JAKMIP1: variants seen among roughly 807,000 people sequenced by gnomAD.
The protein encoded by JAKMIP1 is janus kinase and microtubule interacting protein 1.
In JAKMIP1, 33 loss-of-function variants were observed where a neutral mutation model predicts 113.0. That is an observed-to-expected ratio of 0.29 (90% CI 0.22 to 0.39). The LOEUF is 0.39. Among genes scored for constraint, JAKMIP1 ranks in the 10% least tolerant of loss-of-function variants. JAKMIP1 has a pLI of 1.00. For synonymous variants in JAKMIP1, 480 were observed against 459.9 expected, an observed-to-expected ratio of 1.04 and a Z score of -0.56; for missense variants, 813 against 1,080.5, an observed-to-expected ratio of 0.75 and a Z score of 3.47.
rs1244348287 is a variant in JAKMIP1, at chr4:6,142,633, T to C, written c.-147-29636A>G. Among the ~76,000 whole-genome samples, 1 of 152,178 alleles carries C rather than the reference T, an allele frequency of 6.6e-6. No individual in the cohort carries two copies. The highest frequency in any genetic ancestry group is 1.5e-5 in the Non-Finnish European group (1 of 68,026). ...TCTCGGACTTAAGAGGCAGCTGGCA[T>C]TGGGATCAAATGTGCGGCCTCTGGA... On this transcript the variant is annotated intron_variant, in intron 1 of 20. Transcript: ENST00000409021. This position sits in a 1 kb window ranked among gnomAD's most constrained non-coding sequence, Gnocchi z 5.5.
chr4:6,061,198 T>G lies in JAKMIP1; in HGVS notation c.1561-691A>C, dbSNP rs1489972645. On this transcript the variant is annotated intron_variant, in intron 10 of 20. Coordinates refer to ENST00000409021, the MANE Select transcript of JAKMIP1 (RefSeq NM_001099433.2). This position sits in a 1 kb window ranked among gnomAD's most constrained non-coding sequence, Gnocchi z 5.3. ...ATTTCTCTATAGAATCTCTTGATTTTTAAATGTTGGCAAGTAGATGAAATT... is the reference window on the plus strand; with the variant it reads ...ATTTCTCTATAGAATCTCTTGATTTGTAAATGTTGGCAAGTAGATGAAATT... Among the ~76,000 whole-genome samples, 2 of 152,238 alleles carry G rather than the reference T, an allele frequency of 1.3e-5. No individual in the cohort carries two copies. Among genetic ancestry groups the G allele is most frequent in the East Asian group, 3.8e-4 (2 of 5,202 alleles).
chr4:6,092,461 C>A (rs1026318536), intron 3 of JAKMIP1, among the ~76,000 whole-genome samples: 2 of 152,270 alleles, frequency 1.3e-5, no homozygotes, highest in African/African-American at 4.8e-5. Flanking sequence ...GGCCACACCC[C>A]CTTCCTGCTC....
At chr4:6,038,324 A>G (rs1713832217) in intron 18 of JAKMIP1, among the ~76,000 whole-genome samples, 1 of 148,080 alleles carries the variant, frequency 6.8e-6, no homozygotes, top group Non-Finnish European at 1.5e-5. Flanking sequence ...TTAACCCAGT[A>G]GCCCTCCATC....
chr4:6,079,352 G>GTGGA (rs543038896), intron 7 of JAKMIP1, among the ~76,000 whole-genome samples: 311 of 152,120 alleles, frequency 2.0e-3, no homozygotes, highest in Non-Finnish European at 3.6e-3. Context: ...AGATGGGTGG[G>GTGGA]TGGATGGATG....
chr4:6,041,755 G>A (rs1714340485), intron 17 of JAKMIP1, among the ~76,000 whole-genome samples: 3 of 152,202 alleles, frequency 2.0e-5, no homozygotes, highest in East Asian at 3.9e-4. Flanking sequence ...TTTGAGCCAT[G>A]CCCATGTGTT....
chr4:6,032,501 T>C (rs1031909886), intron 19 of JAKMIP1, among the ~76,000 whole-genome samples: 4 of 152,100 alleles, frequency 2.6e-5, no homozygotes, highest in African/African-American at 7.2e-5. Context: ...CTGTGAAAAA[T>C]GGCATCAATG....
At chr4:6,120,172 T>A (rs939854168) in intron 1 of JAKMIP1, among the ~76,000 whole-genome samples, 4 of 109,604 alleles carry the variant, frequency 3.6e-5, no homozygotes, top group African/African-American at 1.3e-4. Context: ...CTAAAGAATC[T>A]AGCCACACTT....
chr4:6,126,569 C>T (rs1272665180), intron 1 of JAKMIP1, among the ~76,000 whole-genome samples: 1 of 149,480 alleles, frequency 6.7e-6, no homozygotes, highest in Non-Finnish European at 1.5e-5. Context: ...CATGCAGAAA[C>T]ACTCACACGC....
At chr4:6,189,551 A>C (rs2109056140) in intron 1 of JAKMIP1, among the ~76,000 whole-genome samples, 1 of 152,320 alleles carries the variant, frequency 6.6e-6, no homozygotes, top group South Asian at 2.1e-4. Flanking sequence ...AAAGCCAAAA[A>C]TCTATTAACC....
At chr4:6,113,322 C>A (rs993041940) in intron 1 of JAKMIP1, among the ~76,000 whole-genome samples, 1 of 152,202 alleles carries the variant, frequency 6.6e-6, no homozygotes, top group Admixed American at 6.5e-5. Context: ...GCCTGCAGAC[C>A]ATGGTCTGCC....
chr4:6,082,465 T>C (rs76733331), intron 5 of JAKMIP1, among the ~76,000 whole-genome samples: 5,948 of 151,784 alleles, frequency 0.039, 180 homozygotes, highest in African/African-American at 0.08. Context: ...ATGTATCTTC[T>C]TCATGGCATT....
chr4:6,108,525 G>A lies in JAKMIP1; in HGVS notation c.130-2558C>T, dbSNP rs1350917598. 1.3e-5 allele frequency among the ~76,000 whole-genome samples: 2 copies of A among 152,128 alleles called. No individual in the cohort carries two copies. Among genetic ancestry groups the A allele is most frequent in the Admixed American group, 6.6e-5 (1 of 15,266 alleles). On this transcript the variant is annotated intron_variant, in intron 2 of 20. Coordinates refer to ENST00000409021, the MANE Select transcript of JAKMIP1 (RefSeq NM_001099433.2). The surrounding 1 kb of genome is among the most constrained non-coding windows in gnomAD (Gnocchi z 5.6). ...CACTTGCCACTCCCACTCAGAGAGTGAGTCAGATTCACCCCTTTCCATCCT... is the reference window on the plus strand; with the variant it reads ...CACTTGCCACTCCCACTCAGAGAGTAAGTCAGATTCACCCCTTTCCATCCT...
chr4:6,048,241 G>A (rs1715240454), intron 16 of JAKMIP1, among the ~76,000 whole-genome samples: 1 of 152,204 alleles, frequency 6.6e-6, no homozygotes, highest in Non-Finnish European at 1.5e-5. Flanking sequence ...GAGGGTATCT[G>A]GTGCCGCTTT....
Position 6,078,988 on chromosome 4 carries a change from C to T in JAKMIP1, c.1253G>A (p.Arg418Gln), listed in dbSNP as rs369203305. Residue 418 changes from arginine (R) to glutamine (Q), a missense_variant, in exon 8 of 21, where the codon CGG becomes CAG. By Grantham distance (43) the Arg-to-Gln change is conservative (BLOSUM62 1). Around this residue, in one of 2 missense-constraint regions of JAKMIP1, gnomAD observed 540 missense variants for 653.9 expected, o/e 0.83. Transcript: ENST00000409021. ...TCGATGCCTTTTGGAGCGCAACAGC[C>T]GTTCTCTCTCCTAGAAGGAAACACA... ...VIDDLSLERERLLRSKRHRGK... is the reference protein window; with the variant it reads ...VIDDLSLEREQLLRSKRHRGK... 4.1e-5 allele frequency: 66 copies of T among 1,614,046 alleles called. No individual in the cohort carries two copies. The highest frequency in any genetic ancestry group is 5.4e-5 in the Non-Finnish European group (64 of 1,180,040).
intron 3 of JAKMIP1, among the ~76,000 whole-genome samples, chr4:6,101,222 G>A (rs752375433): frequency 1.4e-4 from 22 of 151,976 alleles, no homozygotes; most frequent in Admixed American, 5.9e-4. Flanking sequence ...AATCTTTGTG[G>A]GTAGTATGAT....
At chr4:6,079,781 GCAACTGCTAAGCTAAAAAC>G (rs367785454) in intron 7 of JAKMIP1, among the ~76,000 whole-genome samples, 6 of 152,288 alleles carry the variant, frequency 3.9e-5, no homozygotes, top group Middle Eastern at 3.4e-3. Context: ...CTCACAGTCT[GCAACTGCTAAGCTAAAAAC>G]CAACCAACCA....
chr4:6,116,256 G>C lies in JAKMIP1; in HGVS notation c.-147-3259C>G, dbSNP rs1294644063. On this transcript the variant is annotated intron_variant, in intron 1 of 20. Transcript: ENST00000409021. This position sits in a 1 kb window ranked among gnomAD's most constrained non-coding sequence, Gnocchi z 5.1. ...CACTGTAATCAGCCCCTCTGGCTGC[G>C]GGCTGCCCAAAGGTCTCATCAGCAG... Among the ~76,000 whole-genome samples, 4 of 152,064 alleles carry C rather than the reference G, an allele frequency of 2.6e-5. No individual in the cohort carries two copies. The highest frequency in any genetic ancestry group is 5.9e-5 in the Non-Finnish European group (4 of 67,992).
chr4:6,062,698 C>T (rs1717477431), intron 9 of JAKMIP1, among the ~76,000 whole-genome samples: 1 of 152,138 alleles, frequency 6.6e-6, no homozygotes, highest in Admixed American at 6.5e-5. Flanking sequence ...AGCACTCCTC[C>T]CAGGAGCTCC....
chr4:6,133,353 A>G (rs1364656033), intron 1 of JAKMIP1, among the ~76,000 whole-genome samples: 1 of 152,246 alleles, frequency 6.6e-6, no homozygotes, highest in Non-Finnish European at 1.5e-5. Flanking sequence ...TTTTGTTTCC[A>G]TATGAAAAAG....
Sources: allele counts gnomAD v4.1 joint callset (sites outside exome capture counted in the v4.1 genomes callset), GRCh38; gene constraint gnomAD v4.1.1; regional missense constraint gnomAD v4.1.1; non-coding constraint Gnocchi (gnomAD v3.1); transcripts MANE v1.5; gene names NCBI Gene and HGNC (gene_info 2026-07-23, HGNC 2026-07-21).